Variants in TCF7L2 observed in about 807,000 individuals in gnomAD.
The protein encoded by TCF7L2 is transcription factor 7 like 2.
A neutral mutation model predicts 77.9 loss-of-function variants in TCF7L2; 23 were observed. The observed-to-expected ratio is 0.30, with a 90% CI of 0.21 to 0.42. The LOEUF (loss-of-function observed/expected upper bound fraction) is 0.42, where lower values mean the gene tolerates loss of function less well. TCF7L2 is among the 10% of genes least tolerant of loss of function. The probability of loss-of-function intolerance (pLI) is 1.00; values close to 1 mark genes in which losing one functional copy is unlikely to be tolerated. For missense variants in TCF7L2, 654 were observed against 793.1 expected (o/e 0.82, Z 2.11); for synonymous variants, 413 against 340.2 (o/e 1.21, Z -2.36).
rs35916053 is a variant in TCF7L2, at chr10:113,018,444, C to CTTTT, written c.451-21559_451-21556dup. On this transcript the variant is annotated intron_variant, in intron 4 of 13. Transcript: ENST00000627217. ...GTCCTTGCAGGCTTTCTCCTGAGTC[C>CTTTT]TTTTTTTTTTTTTTTTTTTTTTTTT... Among the ~76,000 whole-genome samples, 42 of 92,548 alleles carry CTTTT rather than the reference C, an allele frequency of 4.5e-4. 2 individuals carry two copies. The highest frequency in any genetic ancestry group is 1.7e-3 in the African/African-American group (34 of 19,960). 60.7% of individuals were successfully genotyped at this position (92,548 alleles called of 152,430 possible).
At chr10:113,024,415 G>A (rs2048768598) in intron 4 of TCF7L2, among the ~76,000 whole-genome samples, 1 of 152,042 alleles carries the variant, frequency 6.6e-6, no homozygotes, top group African/African-American at 2.4e-5. Context: ...GTTTGCAGTG[G>A]GTAGACTGCT....
chr10:113,144,548 C>G (rs931276643), intron 7 of TCF7L2, among the ~76,000 whole-genome samples: 1 of 152,172 alleles, frequency 6.6e-6, no homozygotes, highest in Non-Finnish European at 1.5e-5. Flanking sequence ...CAGGACCCCC[C>G]ACCTCATCCT....
At chr10:113,086,844 C>T (rs1425372083) in intron 5 of TCF7L2, among the ~76,000 whole-genome samples, 1 of 151,390 alleles carries the variant, frequency 6.6e-6, no homozygotes, top group African/African-American at 2.4e-5. Context: ...TTTTGTAAGA[C>T]ATCTCCTACC....
chr10:113,133,501 G>T (rs1183731944), intron 5 of TCF7L2, among the ~76,000 whole-genome samples: 1 of 152,118 alleles, frequency 6.6e-6, no homozygotes, highest in Admixed American at 6.5e-5. Flanking sequence ...TGTTTGGTGT[G>T]TTACCAGCTG....
intron 4 of TCF7L2, among the ~76,000 whole-genome samples, chr10:113,016,768 C>T (rs886325882): frequency 1.3e-5 from 2 of 151,876 alleles, no homozygotes; most frequent in Admixed American, 6.6e-5. Context: ...GATTTACTTT[C>T]CCCCTTAGTA....
chr10:112,953,216 AT>A (rs998892504), intron 3 of TCF7L2, among the ~76,000 whole-genome samples: 3 of 151,736 alleles, frequency 2.0e-5, no homozygotes, highest in Admixed American at 6.6e-5. Flanking sequence ...TAGACCGGTC[AT>A]TTTTTTTATG....
At chr10:113,071,570 G>A (rs555396822) in intron 5 of TCF7L2, among the ~76,000 whole-genome samples, 2 of 152,230 alleles carry the variant, frequency 1.3e-5, no homozygotes, top group Admixed American at 6.5e-5. Context: ...CACTCAGGAG[G>A]GAGGAATCTT....
At chr10:112,960,331 G>A (rs1274557070) in intron 3 of TCF7L2, among the ~76,000 whole-genome samples, 1 of 152,220 alleles carries the variant, frequency 6.6e-6, no homozygotes, top group East Asian at 1.9e-4. Context: ...ATCTTAAAAT[G>A]TTGGTCTTTA....
intron 5 of TCF7L2, among the ~76,000 whole-genome samples, chr10:113,081,421 C>A (rs2059305869): frequency 6.6e-6 from 1 of 152,206 alleles, no homozygotes; most frequent in East Asian, 1.9e-4. Flanking sequence ...CTTTCTGCAG[C>A]CTGTGCTGCT....
chr10:113,090,578 A>G (rs2060274009), intron 5 of TCF7L2, among the ~76,000 whole-genome samples: 1 of 152,192 alleles, frequency 6.6e-6, no homozygotes. Context: ...CATAAAGAAA[A>G]TGTAAATACC....
At chr10:113,118,664 GTTTTTTTTTTTTT>G (rs772549077) in intron 5 of TCF7L2, among the ~76,000 whole-genome samples, 4 of 68,268 alleles carry the variant, frequency 5.9e-5, no homozygotes, top group Non-Finnish European at 1.3e-4. Context: ...GTTTTTTTTT[GTTTTTTTTTTTTT>G]GTTTTTTTTA....
intron 4 of TCF7L2, among the ~76,000 whole-genome samples, chr10:113,013,041 T>A (rs1224228854): frequency 1.3e-5 from 2 of 151,808 alleles, no homozygotes; most frequent in Non-Finnish European, 1.5e-5. Context: ...TATTTATTTG[T>A]AGGTCACCAA....
intron 12 of TCF7L2, 71 bp from the exon 14 acceptor site, chr10:113,159,849 T>TCTCTTTC (rs1242286695): frequency 1.2e-4 from 19 of 160,992 alleles, no homozygotes; most frequent in East Asian, 1.0e-3. Context: ...CCCCCCCTCT[T>TCTCTTTC]TCTCTCTCTC....
At chr10:113,062,096 C>T (rs1312142222) in intron 5 of TCF7L2, among the ~76,000 whole-genome samples, 1 of 152,076 alleles carries the variant, frequency 6.6e-6, no homozygotes, top group East Asian at 1.9e-4. Flanking sequence ...TGACTGGAAT[C>T]GCTTGGACAT....
chr10:112,993,954 C>T (rs1221083834), intron 4 of TCF7L2, among the ~76,000 whole-genome samples: 1 of 151,796 alleles, frequency 6.6e-6, no homozygotes, highest in African/African-American at 2.4e-5. Context: ...ACTCAGGAGG[C>T]TGAGGCAGGA....
At chr10:112,998,722 G>A (rs188734736) in intron 4 of TCF7L2, among the ~76,000 whole-genome samples, 15 of 152,226 alleles carry the variant, frequency 9.9e-5, no homozygotes, top group Non-Finnish European at 1.8e-4. Context: ...ACAGGCCTGT[G>A]TGACTGAGAA....
At chr10:113,093,911 A>G (rs1329458847) in intron 5 of TCF7L2, among the ~76,000 whole-genome samples, 7 of 152,230 alleles carry the variant, frequency 4.6e-5, no homozygotes, top group Non-Finnish European at 7.3e-5. Flanking sequence ...TAAAAAGTTC[A>G]TTGTCCAAAG....
chr10:113,021,116 T>C (rs1375204492), intron 4 of TCF7L2, among the ~76,000 whole-genome samples: 1 of 152,202 alleles, frequency 6.6e-6, no homozygotes. Context: ...GAACCATTCA[T>C]GCTTGGCACA....
chr10:113,108,543 A>G (rs1242128747), intron 5 of TCF7L2, among the ~76,000 whole-genome samples: 1 of 152,194 alleles, frequency 6.6e-6, no homozygotes, highest in Non-Finnish European at 1.5e-5. Context: ...ACCTCCAGGC[A>G]TCAGTGTGGC....
Sources: allele counts gnomAD v4.1 joint callset (sites outside exome capture counted in the v4.1 genomes callset), GRCh38; gene constraint gnomAD v4.1.1; transcripts MANE v1.5; gene names NCBI Gene and HGNC (gene_info 2026-07-23, HGNC 2026-07-21).